ADORA2B: variants seen among roughly 807,000 people sequenced by gnomAD.
ADORA2B encodes the protein adenosine receptor A2b.
In ADORA2B, 18 loss-of-function variants were observed where a neutral mutation model predicts 20.8. That is an observed-to-expected ratio of 0.87 (90% CI 0.60 to 1.29). ADORA2B has a LOEUF of 1.29. ADORA2B is among the 50% of genes most tolerant of loss of function. The pLI is 0.00. For synonymous variants in ADORA2B, 179 were observed against 178.3 expected, an observed-to-expected ratio of 1.00 and a Z score of -0.03; for missense variants, 441 against 422.7, an observed-to-expected ratio of 1.04 and a Z score of -0.38.
At chr17:15,949,668 C>G (rs1166694824) in intron 1 of ADORA2B, among the ~76,000 whole-genome samples, 1 of 147,798 alleles carries the variant, frequency 6.8e-6, no homozygotes, top group Non-Finnish European at 1.5e-5. Context: ...GGTCAGAGTT[C>G]GAGACCAGCC....
At chr17:15,855,254 C>T in the ADORA2B span, among the ~76,000 whole-genome samples, 8 of 152,220 alleles carry the variant, frequency 5.3e-5, no homozygotes, top group African/African-American at 1.9e-4. Flanking sequence ...TTAATCCCCC[C>T]CAACAATCCT....
the ADORA2B span, among the ~76,000 whole-genome samples, chr17:15,854,408 A>G: frequency 6.6e-6 from 1 of 152,258 alleles, no homozygotes; most frequent in Non-Finnish European, 1.5e-5. Flanking sequence ...AAATATGTTC[A>G]GTAAAGATTA....
chr17:15,861,113 G>A, the ADORA2B span: 1 of 152,242 alleles, frequency 6.6e-6, no homozygotes, highest in Non-Finnish European at 1.5e-5. Context: ...AATACTTGCT[G>A]CATGAAAATA....
Position 15,975,374 on chromosome 17 carries a change from C to A in ADORA2B, c.*32C>A. On this transcript the variant is annotated 3_prime_UTR_variant, in exon 2 of 2. Coordinates refer to ENST00000304222, the MANE Select transcript of ADORA2B (RefSeq NM_000676.4). ...CTCTCGCCTCTTCCAGGAGAAGATACAAATCCACAAGAAACAAAGAGGACA... is the reference window on the plus strand; with the variant it reads ...CTCTCGCCTCTTCCAGGAGAAGATAAAAATCCACAAGAAACAAAGAGGACA... The A allele has an allele frequency of 1.3e-6, 2 of 1,583,696 alleles. No homozygotes were observed. Among genetic ancestry groups the A allele is most frequent in the Middle Eastern group, 1.7e-4 (1 of 5,836 alleles).
chr17:15,891,685 C>G, the ADORA2B span, among the ~76,000 whole-genome samples: 1 of 149,566 alleles, frequency 6.7e-6, no homozygotes, highest in African/African-American at 2.5e-5. Context: ...AGCACTTTCT[C>G]TCTTTTTTTT....
chr17:15,889,585 AT>A, the ADORA2B span, among the ~76,000 whole-genome samples: 2 of 129,596 alleles, frequency 1.5e-5, no homozygotes, highest in Non-Finnish European at 3.3e-5. Flanking sequence ...TTTTTATAAA[AT>A]TTTTTTTAGA....
chr17:15,877,784 C>A, the ADORA2B span, among the ~76,000 whole-genome samples: 1 of 152,044 alleles, frequency 6.6e-6, no homozygotes, highest in Non-Finnish European at 1.5e-5. Flanking sequence ...TTTTTAACCA[C>A]CTTCATCCCC....
the ADORA2B span, among the ~76,000 whole-genome samples, chr17:15,898,011 A>G: frequency 6.6e-6 from 1 of 152,210 alleles, no homozygotes; most frequent in African/African-American, 2.4e-5. Flanking sequence ...TTCATACTTT[A>G]AAACATAGTC....
chr17:15,899,566 C>A, the ADORA2B span, among the ~76,000 whole-genome samples: 26 of 152,142 alleles, frequency 1.7e-4, 1 homozygote, highest in African/African-American at 5.3e-4. Flanking sequence ...AGTATAGCAC[C>A]CAGTTGTTTT....
Position 15,945,359 on chromosome 17 carries a change from T to C in ADORA2B, c.111T>C (p.Thr37=), listed in dbSNP as rs148714288. The C allele has an allele frequency of 5.6e-4, 900 of 1,610,822 alleles. 7 individuals carry two copies. The African/African-American group carries it at 0.011, about 20-fold the overall frequency. Residue 37 remains threonine (T), a synonymous_variant, in exon 1 of 2, where the codon ACT becomes ACC. Coordinates refer to ENST00000304222, the MANE Select transcript of ADORA2B (RefSeq NM_000676.4). The stretch of plus-strand genomic sequence containing the variant: ...GCGCCGCGGTGGGCACGGCGAACAC[T>C]CTGCAGACGCCCACCAACTACTTCC... ...LVCAAVGTAN[T]LQTPTNYFLV...
chr17:15,965,714 G>A (rs1970107669), intron 1 of ADORA2B, among the ~76,000 whole-genome samples: 1 of 152,190 alleles, frequency 6.6e-6, no homozygotes, highest in Non-Finnish European at 1.5e-5. Flanking sequence ...GGGCTCCTGG[G>A]AACAAGAAAA....
chr17:15,953,693 C>A (rs1440882294), intron 1 of ADORA2B, among the ~76,000 whole-genome samples: 1 of 152,204 alleles, frequency 6.6e-6, no homozygotes, highest in Non-Finnish European at 1.5e-5. Context: ...AAGAACGTGT[C>A]CCCCATTCCT....
chr17:15,955,466 TG>T (rs112644435), intron 1 of ADORA2B, among the ~76,000 whole-genome samples: 8,298 of 151,774 alleles, frequency 0.055, 780 homozygotes, highest in African/African-American at 0.19. Context: ...TGGCACGATC[TG>T]GGCTCACTGG....
chr17:15,961,017 A>G (rs980897400), intron 1 of ADORA2B, among the ~76,000 whole-genome samples: 1 of 150,344 alleles, frequency 6.7e-6, no homozygotes, highest in East Asian at 2.0e-4. Flanking sequence ...AATACAAAAA[A>G]TTAGCCAGGC....
chr17:15,874,824 GTGTTA>G, the ADORA2B span, among the ~76,000 whole-genome samples: 2,238 of 152,116 alleles, frequency 0.015, 62 homozygotes, highest in African/African-American at 0.052. Flanking sequence ...GCAAAAGGTT[GTGTTA>G]TACTTTCCAT....
At chr17:15,852,804 T>C in the ADORA2B span, among the ~76,000 whole-genome samples, 1 of 152,036 alleles carries the variant, frequency 6.6e-6, no homozygotes, top group East Asian at 1.9e-4. Flanking sequence ...GATAGAAATA[T>C]CTGAACTGAA....
the ADORA2B span, among the ~76,000 whole-genome samples, chr17:15,916,121 C>T: frequency 1.3e-5 from 2 of 152,208 alleles, no homozygotes; most frequent in Non-Finnish European, 2.9e-5. Context: ...CTATGGCTGC[C>T]TGCTTACGAA....
chr17:15,921,541 G>A, the ADORA2B span, among the ~76,000 whole-genome samples: 4 of 152,102 alleles, frequency 2.6e-5, no homozygotes, highest in Admixed American at 6.6e-5. Flanking sequence ...TACCAAAGGC[G>A]CAAAGAAAAT....
chr17:15,939,765 G>T, the ADORA2B span, among the ~76,000 whole-genome samples: 1 of 150,838 alleles, frequency 6.6e-6, no homozygotes, highest in South Asian at 2.1e-4. Context: ...GGAGGCTGAG[G>T]CAGGAGAATG....
Sources: gnomAD v4.1 joint callset for allele counts (sites outside exome capture counted in the v4.1 genomes callset) on GRCh38, gnomAD v4.1.1 for gene constraint, MANE v1.5 for transcripts, NCBI Gene and HGNC (gene_info 2026-07-23, HGNC 2026-07-21) for gene names.